The following ABCA4 variants were observed in gnomAD, a reference collection of about 807,000 sequenced individuals.
ABCA4 encodes retinal-specific phospholipid-transporting ATPase ABCA4.
ABCA4 carries 196 observed loss-of-function variants against 263.7 expected under a neutral mutation model. The ratio of observed to expected loss-of-function variants is 0.74; its 90% confidence interval spans 0.66 to 0.84. The LOEUF (loss-of-function observed/expected upper bound fraction) is 0.84, where lower values mean the gene tolerates loss of function less well. Among genes scored for constraint, ABCA4 ranks in the 40% least tolerant of loss-of-function variants. The probability of loss-of-function intolerance (pLI) is 0.00; values close to 1 mark genes in which losing one functional copy is unlikely to be tolerated. For synonymous variants in ABCA4, 1,133 were observed against 1,094.2 expected (o/e 1.04, Z -0.70); for missense variants, 2,792 against 2,855.1 (o/e 0.98, Z 0.50).
chr1:94,105,609 G>A (rs988286385), intron 4 of ABCA4, among the ~76,000 whole-genome samples: 1 of 151,412 alleles, frequency 6.6e-6, no homozygotes, highest in Non-Finnish European at 1.5e-5. Flanking sequence ...GGGAAGATTA[G>A]AGGCTTGGGG....
At chr1:94,090,804 T>C (rs1010474320) in intron 6 of ABCA4, among the ~76,000 whole-genome samples, 2 of 152,224 alleles carry the variant, frequency 1.3e-5, no homozygotes, top group Admixed American at 6.5e-5. Context: ...TGGTAATTAA[T>C]GAGTAAATAA....
intron 19 of ABCA4, among the ~76,000 whole-genome samples, chr1:94,046,455 C>CAAAA (rs61333901): frequency 0.067 from 2,822 of 42,098 alleles, 193 homozygotes; most frequent in African/African-American, 0.11. Context: ...GTTACTATCT[C>CAAAA]AAAAAAAAAA....
At chr1:94,038,528 G>A (rs1032850270) in intron 24 of ABCA4, among the ~76,000 whole-genome samples, 54 of 152,308 alleles carry the variant, frequency 3.5e-4, no homozygotes, top group Non-Finnish European at 2.5e-4. Flanking sequence ...CTGCCTAGCC[G>A]GATTGGAAGT....
At chr1:94,120,851 C>T (rs1662926738) in intron 1 of ABCA4, 129 bp downstream of exon 1, 4 of 840,204 alleles carry the variant, frequency 4.8e-6, no homozygotes, top group East Asian at 2.6e-5. Context: ...TGCTAATCGG[C>T]GACAAGCCCA....
intron 13 of ABCA4, among the ~76,000 whole-genome samples, chr1:94,061,654 C>T (rs1054223259): frequency 1.3e-5 from 2 of 152,166 alleles, no homozygotes; most frequent in East Asian, 3.9e-4. Context: ...ATTGCCTCCC[C>T]ACACCCACCT....
intron 22 of ABCA4, 42 bp downstream of exon 22, chr1:94,042,719 G>A: frequency 6.2e-7 from 1 of 1,613,870 alleles, no homozygotes; most frequent in Non-Finnish European, 8.5e-7. Context: ...AGCTAGGGCT[G>A]CAGTGAGAGC....
rs759605018 is a variant in ABCA4, at chr1:94,111,413, G to A, written c.302+25C>T. 9 of 1,612,830 alleles carry A rather than the reference G, an allele frequency of 5.6e-6. No individual in the cohort carries two copies. In the South Asian group the frequency reaches 9.9e-5, roughly 18 times the overall value. On this transcript the variant is annotated intron_variant, in intron 3 of 49. Transcript: ENST00000370225. ...GAAGGGGTGTGCAACTTCCTCCCCT[G>A]CATGGTAGGGATCTCAACACTTACA...
chr1:94,042,918 G>A lies in ABCA4; in HGVS notation c.3191-20C>T, dbSNP rs61754036. The A allele has an allele frequency of 2.6e-4, 425 of 1,614,120 alleles. 2 individuals carry two copies. The African/African-American group carries it at 4.0e-3, about 15-fold the overall frequency. The stretch of plus-strand genomic sequence containing the variant: ...TGCCACCTGGAGGCACAAGAAGGAC[G>A]GGAGAGTTAAGGGGCTGTGGAGGGT... On this transcript the variant is annotated intron_variant, in intron 21 of 49. Transcript: ENST00000370225.
chr1:94,021,962 A>G lies in ABCA4; in HGVS notation c.4668-11T>C. 6.2e-7 allele frequency: 1 copy of G among 1,612,834 alleles called. No individual in the cohort carries two copies. Among genetic ancestry groups the G allele is most frequent in the Non-Finnish European group, 8.5e-7 (1 of 1,178,804 alleles). On this transcript the variant is annotated splice_polypyrimidine_tract_variant and intron_variant, in intron 32 of 49. Transcript: ENST00000370225. ...GAAATTCCTCCATACCTGACAAGGA[A>G]ACAGGAAATCCTCAGACCAGGGCCA...
chr1:94,001,682 G>C (rs4147864), intron 45 of ABCA4, 176 bp downstream of exon 45: 5 of 928,282 alleles, frequency 5.4e-6, no homozygotes, highest in Non-Finnish European at 8.4e-6. Context: ...GTTTTTCTCC[G>C]GAGCTGTGTG....
intron 20 of ABCA4, among the ~76,000 whole-genome samples, chr1:94,043,898 A>G (rs1016835936): frequency 6.6e-6 from 1 of 152,206 alleles, no homozygotes; most frequent in Non-Finnish European, 1.5e-5. Flanking sequence ...ATTATATACC[A>G]ATGTTATAAC....
intron 45 of ABCA4, 110 bp downstream of exon 45, chr1:94,001,747 TA>T: frequency 6.6e-7 from 1 of 1,518,250 alleles, no homozygotes; most frequent in Non-Finnish European, 9.0e-7. Flanking sequence ...CAGTCCAGAC[TA>T]AAGCCAAACT....
At position 94,007,686 on chromosome 1, in the gene ABCA4, G is replaced by A. The variant is rs886046559; in HGVS notation, c.5953C>T (p.Leu1985Phe). ...GAGKTTTFKM[L>F]TGDTTVTSGD... ...GAGGTCACTGTGGTGTCCCCAGTGA[G>A]CATCTTGAATGTGGTTGTTTTGCCG... Residue 1985 changes from leucine (L) to phenylalanine (F), a missense_variant, in exon 43 of 50, where the codon CTC (leucine) becomes TTC (phenylalanine). Leu to Phe is a conservative substitution (Grantham distance 22). Coordinates refer to ENST00000370225, the MANE Select transcript of ABCA4 (RefSeq NM_000350.3). 2.5e-6 allele frequency: 4 copies of A among 1,614,114 alleles called. No individual in the cohort carries two copies. The highest frequency in any genetic ancestry group is 3.4e-6 in the Non-Finnish European group (4 of 1,180,044).
intron 48 of ABCA4, 122 bp downstream of exon 48, chr1:93,997,739 C>A (rs1571239797): frequency 1.5e-6 from 2 of 1,325,628 alleles, no homozygotes; most frequent in East Asian, 2.5e-5. Flanking sequence ...CCCCAATAAA[C>A]AGAGGGCAAG....
At chr1:94,058,780 C>T (rs1228540462) in intron 14 of ABCA4, among the ~76,000 whole-genome samples, 1 of 152,232 alleles carries the variant, frequency 6.6e-6, no homozygotes, top group Non-Finnish European at 1.5e-5. Context: ...CACTCTGTGA[C>T]CCTACAGTTT....
intron 19 of ABCA4, chr1:94,045,757 G>A (rs1032359778): frequency 2.2e-6 from 1 of 456,150 alleles, no homozygotes; most frequent in African/African-American, 2.0e-5. Flanking sequence ...CATTCACACT[G>A]AACCGCCCTA....
chr1:94,093,815 ACC>A (rs900483113), intron 6 of ABCA4, among the ~76,000 whole-genome samples: 3 of 152,104 alleles, frequency 2.0e-5, no homozygotes, highest in African/African-American at 7.2e-5. Context: ...AAATCCATTC[ACC>A]CAGAGGATAT....
chr1:94,084,452 G>A (rs1661781871), intron 6 of ABCA4, among the ~76,000 whole-genome samples: 1 of 152,212 alleles, frequency 6.6e-6, no homozygotes, highest in African/African-American at 2.4e-5. Flanking sequence ...TGACAAACAG[G>A]TGGAGTTAGG....
chr1:94,011,749 T>G (rs1415950402), intron 38 of ABCA4, among the ~76,000 whole-genome samples: 1 of 152,214 alleles, frequency 6.6e-6, no homozygotes. Flanking sequence ...CGAGGCTAAC[T>G]GTGAGGAACC....
Sources: gnomAD v4.1 joint callset for allele counts (sites outside exome capture counted in the v4.1 genomes callset) on GRCh38, gnomAD v4.1.1 for gene constraint, MANE v1.5 for transcripts, NCBI Gene and HGNC (gene_info 2026-07-23, HGNC 2026-07-21) for gene names.